The following FBXL17 variants were observed in gnomAD, a reference collection of about 807,000 sequenced individuals.
FBXL17 encodes the protein F-box/LRR-repeat protein 17.
Under a neutral mutation model 66.2 loss-of-function variants are expected in FBXL17, and 22 were observed. The ratio of observed to expected loss-of-function variants is 0.33; its 90% CI spans 0.24 to 0.47. The LOEUF (loss-of-function observed/expected upper bound fraction) is 0.47, where lower values mean the gene tolerates loss of function less well. Among genes scored for constraint, FBXL17 ranks in the 20% least tolerant of loss-of-function variants. FBXL17 has a pLI of 1.00. For missense variants in FBXL17, 878 were observed against 948.2 expected, an observed-to-expected ratio of 0.93 and a Z score of 0.97; for synonymous variants, 474 against 400.5, an observed-to-expected ratio of 1.18 and a Z score of -2.19.
intron 4 of FBXL17, among the ~76,000 whole-genome samples, chr5:108,306,052 T>G (rs1218401410): frequency 6.6e-6 from 1 of 152,094 alleles, no homozygotes; most frequent in Non-Finnish European, 1.5e-5. Context: ...GCTGTTACAT[T>G]TGGATTTTTA....
chr5:108,349,671 G>A (rs900415250), intron 3 of FBXL17, among the ~76,000 whole-genome samples: 1 of 152,102 alleles, frequency 6.6e-6, no homozygotes, highest in African/African-American at 2.4e-5. Flanking sequence ...ATAAATATTT[G>A]TTAAATAAAT....
At chr5:107,907,996 G>A (rs1315276955) in intron 7 of FBXL17, among the ~76,000 whole-genome samples, 6 of 152,148 alleles carry the variant, frequency 3.9e-5, no homozygotes, top group Non-Finnish European at 7.3e-5. Context: ...ACATGCACAC[G>A]TATGTTTATT....
At chr5:108,019,997 A>T (rs1754527496) in intron 7 of FBXL17, among the ~76,000 whole-genome samples, 1 of 151,912 alleles carries the variant, frequency 6.6e-6, no homozygotes, top group South Asian at 2.1e-4. Context: ...TTTCAAAAAG[A>T]TGAATTTAGT....
intron 6 of FBXL17, among the ~76,000 whole-genome samples, chr5:108,024,693 A>G (rs1042445826): frequency 1.3e-5 from 2 of 152,128 alleles, no homozygotes; most frequent in African/African-American, 4.8e-5. Context: ...GGGCCAGAAA[A>G]CCTGCTCCAA....
chr5:107,862,862 G>A (rs992310616), intron 8 of FBXL17, among the ~76,000 whole-genome samples: 1 of 142,320 alleles, frequency 7.0e-6, no homozygotes. Flanking sequence ...GAAGTATGAT[G>A]ATCATGAAAT....
chr5:107,879,157 C>T (rs944060917), intron 8 of FBXL17: 36 of 985,114 alleles, frequency 3.7e-5, no homozygotes, highest in South Asian at 4.7e-5. Flanking sequence ...AGTGTATCTC[C>T]GAAGATGGAG....
intron 6 of FBXL17, among the ~76,000 whole-genome samples, chr5:108,067,405 C>CA (rs1340331548): frequency 6.6e-6 from 1 of 151,810 alleles, no homozygotes; most frequent in Non-Finnish European, 1.5e-5. Context: ...AACAAACAGG[C>CA]AAAAAACACT....
chr5:107,899,632 T>C (rs1749502056), intron 7 of FBXL17, among the ~76,000 whole-genome samples: 1 of 152,096 alleles, frequency 6.6e-6, no homozygotes, highest in African/African-American at 2.4e-5. Context: ...AGATTTTTGA[T>C]TACATGGGAA....
intron 7 of FBXL17, among the ~76,000 whole-genome samples, chr5:107,962,116 T>C (rs764628303): frequency 6.6e-6 from 1 of 152,162 alleles, no homozygotes; most frequent in Non-Finnish European, 1.5e-5. Context: ...ATCTATACAA[T>C]TTCTCTTTCA....
intron 7 of FBXL17, among the ~76,000 whole-genome samples, chr5:108,005,957 G>A (rs73778608): frequency 0.024 from 3,706 of 152,240 alleles, 77 homozygotes; most frequent in African/African-American, 0.055. Context: ...TGGGTGAACC[G>A]TGACGTGGGA....
intron 4 of FBXL17, among the ~76,000 whole-genome samples, chr5:108,325,028 G>GT (rs1161347976): frequency 6.6e-6 from 1 of 152,056 alleles, no homozygotes; most frequent in Non-Finnish European, 1.5e-5. Flanking sequence ...TAGAATGGTG[G>GT]TTTTCAGGAG....
At chr5:108,217,756 T>C (rs1754671786) in intron 5 of FBXL17, among the ~76,000 whole-genome samples, 1 of 152,158 alleles carries the variant, frequency 6.6e-6, no homozygotes, top group Non-Finnish European at 1.5e-5. Context: ...TTTGTATTCT[T>C]CAACCAGCAC....
chr5:108,146,164 A>G (rs286799), intron 6 of FBXL17, among the ~76,000 whole-genome samples: 112,974 of 151,544 alleles, frequency 0.75, 43,247 homozygotes, highest in East Asian at 0.92. Context: ...TCCGAGAGGC[A>G]GAGCTTGCAG....
chr5:107,885,737 C>T (rs1018652984), intron 7 of FBXL17, among the ~76,000 whole-genome samples: 6 of 151,862 alleles, frequency 4.0e-5, no homozygotes, highest in Non-Finnish European at 7.4e-5. Context: ...TTAATCTGCT[C>T]ATCTGTGCAC....
At chr5:107,888,999 T>C (rs1006396060) in intron 7 of FBXL17, among the ~76,000 whole-genome samples, 1 of 152,130 alleles carries the variant, frequency 6.6e-6, no homozygotes, top group African/African-American at 2.4e-5. Context: ...TCTTGGTACT[T>C]GGTAATGTGT....
At chr5:107,994,983 G>A (rs1753415036) in intron 7 of FBXL17, among the ~76,000 whole-genome samples, 1 of 152,158 alleles carries the variant, frequency 6.6e-6, no homozygotes, top group African/African-American at 2.4e-5. Context: ...TCGGGGTAGG[G>A]TAATGACTGG....
chr5:108,354,370 T>G (rs933302994), intron 3 of FBXL17, among the ~76,000 whole-genome samples: 2 of 151,812 alleles, frequency 1.3e-5, no homozygotes, highest in African/African-American at 4.8e-5. Context: ...AAAAGATACA[T>G]TAGTAGATGG....
chr5:108,002,803 G>A (rs1411596047), intron 7 of FBXL17, among the ~76,000 whole-genome samples: 1 of 152,114 alleles, frequency 6.6e-6, no homozygotes, highest in African/African-American at 2.4e-5. Flanking sequence ...GAGAAAGAAG[G>A]TATATGCAGA....
At chr5:108,201,964 G>C (rs1753916721) in intron 5 of FBXL17, among the ~76,000 whole-genome samples, 1 of 151,448 alleles carries the variant, frequency 6.6e-6, no homozygotes, top group African/African-American at 2.4e-5. Context: ...CTTTTTACAA[G>C]AGTATTTTCA....
Sources: allele counts gnomAD v4.1 joint callset (sites outside exome capture counted in the v4.1 genomes callset), GRCh38; gene constraint gnomAD v4.1.1; transcripts MANE v1.5; gene names NCBI Gene and HGNC (gene_info 2026-07-23, HGNC 2026-07-21).